The following PRRC1 variants were observed in gnomAD, a reference collection of about 807,000 sequenced individuals.
The protein encoded by PRRC1 is proline rich coiled-coil 1, also known as protein PRRC1.
Under a neutral mutation model 40.7 loss-of-function variants are expected in PRRC1, and 39 were observed. That is an observed-to-expected ratio of 0.96 (90% CI 0.74 to 1.25). The LOEUF is 1.25. Ranked by LOEUF, PRRC1 falls within the 50% of genes most tolerant of loss-of-function variation. The probability of loss-of-function intolerance (pLI) is 0.00; values close to 1 mark genes in which losing one functional copy is unlikely to be tolerated. For missense variants in PRRC1, 573 were observed against 548.3 expected (o/e 1.05, Z -0.45); for synonymous variants, 175 against 193.3 (o/e 0.91, Z 0.79).
At chr5:127,521,080 T>C (rs971322783) in intron 1 of PRRC1, among the ~76,000 whole-genome samples, 2 of 152,180 alleles carry the variant, frequency 1.3e-5, no homozygotes, top group Non-Finnish European at 2.9e-5. Flanking sequence ...CTGTAAATTG[T>C]TAAGTACAAT....
intron 6 of PRRC1, among the ~76,000 whole-genome samples, chr5:127,535,597 T>C (rs1767879047): frequency 6.6e-6 from 1 of 152,142 alleles, no homozygotes; most frequent in Non-Finnish European, 1.5e-5. Flanking sequence ...ACAAAACTAA[T>C]AGGATCGATC....
intron 7 of PRRC1, among the ~76,000 whole-genome samples, chr5:127,543,702 G>A (rs1377957857): frequency 1.3e-5 from 2 of 152,002 alleles, no homozygotes; most frequent in African/African-American, 4.8e-5. Context: ...TGTAGTTCTC[G>A]AGCCTTGGCT....
chr5:127,546,039 C>G (rs544893844), intron 7 of PRRC1, among the ~76,000 whole-genome samples: 1 of 151,946 alleles, frequency 6.6e-6, no homozygotes. Context: ...TGCTTCTGGC[C>G]CATTTCTCTC....
chr5:127,537,005 C>T (rs778074974), intron 6 of PRRC1, among the ~76,000 whole-genome samples: 45 of 151,710 alleles, frequency 3.0e-4, no homozygotes, highest in Non-Finnish European at 5.5e-4. Flanking sequence ...ACTAAACTTA[C>T]GTTACCTTTT....
chr5:127,530,504 G>T, intron 5 of PRRC1, 108 bp downstream of exon 5: 2 of 555,938 alleles, frequency 3.6e-6, no homozygotes, highest in Admixed American at 3.6e-5. Context: ...TGTAATCAGT[G>T]GAAATTCTTA....
rs1767565939 is a variant in PRRC1 at position 127,524,703 on chromosome 5, T to A, written c.276T>A (p.Pro92=). ...SVPPLVTSMP[P]PVSPSTAAAF... ...CACCACTTGTTACTTCTATGCCACC[T>A]CCTGTTTCTCCATCAACTGCTGCTG... The change falls in exon 3 of 9, where the codon CCT becomes CCA. Residue 92 remains proline, a synonymous_variant. Coordinates refer to ENST00000296666, the MANE Select transcript of PRRC1 (RefSeq NM_130809.5). The A allele has an allele frequency of 6.2e-7, 1 of 1,614,170 alleles. No homozygotes were observed. Among genetic ancestry groups the A allele is most frequent in the Non-Finnish European group, 8.5e-7 (1 of 1,180,022 alleles).
chr5:127,551,578 C>A lies in PRRC1; in HGVS notation c.1129-129C>A, dbSNP rs184587496. The A allele has an allele frequency of 5.4e-6, 5 of 924,456 alleles. No individual in the cohort carries two copies. The East Asian group carries it at 1.1e-4, about 20-fold the overall frequency. 57.3% of individuals were successfully genotyped at this position (924,456 alleles called of 1,614,324 possible). On this transcript the variant is annotated intron_variant, in intron 8 of 8. Coordinates refer to ENST00000296666, the MANE Select transcript of PRRC1 (RefSeq NM_130809.5). Reference sequence around the variant, plus strand: ...TAAGTTGATATAGTTGGCAGCCTAGCTGTATTTCTCAGAGTTTGTCATAAT... The same window carrying A: ...TAAGTTGATATAGTTGGCAGCCTAGATGTATTTCTCAGAGTTTGTCATAAT...
At chr5:127,548,402 C>T (rs541474936) in intron 8 of PRRC1, 1 of 178,586 alleles carries the variant, frequency 5.6e-6, no homozygotes, top group African/African-American at 2.4e-5. Context: ...TAATAGTGTA[C>T]CTATCCACAC....
intron 4 of PRRC1, 40 bp downstream of exon 4, chr5:127,526,818 T>C: frequency 7.0e-7 from 1 of 1,431,184 alleles, no homozygotes; most frequent in South Asian, 1.5e-5. Flanking sequence ...TTTCTAATTA[T>C]AAAACTAATA....
intron 8 of PRRC1, chr5:127,549,269 C>A (rs905375346): frequency 6.6e-6 from 1 of 152,186 alleles, no homozygotes; most frequent in Admixed American, 6.5e-5. Context: ...TTTTCCAGTT[C>A]ATTCTGTGAG....
At chr5:127,537,107 T>G (rs757411615) in intron 6 of PRRC1, among the ~76,000 whole-genome samples, 6 of 151,896 alleles carry the variant, frequency 4.0e-5, no homozygotes, top group Non-Finnish European at 1.5e-5. Flanking sequence ...ATTAACTTTA[T>G]TGAAAAGCCA....
chr5:127,548,208 T>G (rs558437441), intron 8 of PRRC1: 47 of 530,602 alleles, frequency 8.9e-5, no homozygotes, highest in Non-Finnish European at 1.3e-4. Context: ...TGGAAAAGAT[T>G]TACCTTTTCT....
At chr5:127,525,787 T>C (rs1767600903) in intron 3 of PRRC1, among the ~76,000 whole-genome samples, 2 of 152,220 alleles carry the variant, frequency 1.3e-5, no homozygotes, top group African/African-American at 2.4e-5. Context: ...AGATGATTAG[T>C]ATATGGGATG....
chr5:127,533,234 T>C (rs1461564789), intron 5 of PRRC1, among the ~76,000 whole-genome samples: 2 of 152,282 alleles, frequency 1.3e-5, no homozygotes, highest in East Asian at 3.9e-4. Flanking sequence ...TTAAAAAGTA[T>C]ATTTCATGGT....
At chr5:127,545,830 G>A (rs1396896075) in intron 7 of PRRC1, among the ~76,000 whole-genome samples, 1 of 151,870 alleles carries the variant, frequency 6.6e-6, no homozygotes, top group Non-Finnish European at 1.5e-5. Flanking sequence ...TCTCTGTGAA[G>A]ATAATATGTT....
At chr5:127,527,090 T>A (rs60137966) in intron 4 of PRRC1, among the ~76,000 whole-genome samples, 1 of 152,228 alleles carries the variant, frequency 6.6e-6, no homozygotes, top group African/African-American at 2.4e-5. Flanking sequence ...TGGTTTCTCT[T>A]ATGGCTGCTT....
At chr5:127,527,154 A>G (rs998755772) in intron 4 of PRRC1, among the ~76,000 whole-genome samples, 2 of 152,068 alleles carry the variant, frequency 1.3e-5, no homozygotes, top group Non-Finnish European at 2.9e-5. Context: ...TAATCTGCCT[A>G]TTGGCATTTT....
At chr5:127,551,657 AT>A in intron 8 of PRRC1, 49 bp from the exon 9 acceptor site, 4 of 1,547,134 alleles carry the variant, frequency 2.6e-6, no homozygotes, top group Non-Finnish European at 3.6e-6. Context: ...GCTAGTTCCA[AT>A]GATATTTTTA....
chr5:127,524,689 A>C lies in PRRC1; in HGVS notation c.262A>C (p.Thr88Pro). 6.2e-7 allele frequency: 1 copy of C among 1,614,040 alleles called. No homozygotes were observed. The highest frequency in any genetic ancestry group is 8.5e-7 in the Non-Finnish European group (1 of 1,180,010). ...AGTTCCTTCTGTCCCACCACTTGTT[A>C]CTTCTATGCCACCTCCTGTTTCTCC... ...PAVPSVPPLV[T>P]SMPPPVSPST... Residue 88 changes from threonine to proline, a missense_variant, in exon 3 of 9, where the codon ACT becomes CCT. Physicochemically the swap from Thr to Pro is conservative, Grantham distance 38. Transcript: ENST00000296666.
Sources: allele counts gnomAD v4.1 joint callset (sites outside exome capture counted in the v4.1 genomes callset), GRCh38; gene constraint gnomAD v4.1.1; transcripts MANE v1.5; gene names NCBI Gene and HGNC (gene_info 2026-07-23, HGNC 2026-07-21).